The following LHFPL6 variants were observed in gnomAD, a reference collection of about 807,000 sequenced individuals.
LHFPL6 encodes the protein LHFPL tetraspan subfamily member 6.
A neutral mutation model predicts 20.6 loss-of-function variants in LHFPL6; 9 were observed. That is an observed-to-expected ratio of 0.44 (90% CI 0.26 to 0.76). LHFPL6 has a LOEUF of 0.76. Ranked by LOEUF, LHFPL6 falls within the 30% of genes least tolerant of loss-of-function variation. The probability of loss-of-function intolerance (pLI) is 0.20; values close to 1 mark genes in which losing one functional copy is unlikely to be tolerated. For synonymous variants in LHFPL6, 105 were observed against 98.7 expected (o/e 1.06, Z -0.38); for missense variants, 218 against 253.5 (o/e 0.86, Z 0.95).
chr13:39,358,881 T>C (rs1451873500), intron 3 of LHFPL6, among the ~76,000 whole-genome samples: 2 of 151,912 alleles, frequency 1.3e-5, no homozygotes, highest in East Asian at 3.9e-4. Flanking sequence ...TGTTAAAAAG[T>C]GAAAAAATAG....
At chr13:39,461,350 C>A (rs376072733) in intron 2 of LHFPL6, among the ~76,000 whole-genome samples, 1 of 152,146 alleles carries the variant, frequency 6.6e-6, no homozygotes, top group Non-Finnish European at 1.5e-5. Context: ...TGGGTATATA[C>A]GCAGTAATGG....
intron 3 of LHFPL6, among the ~76,000 whole-genome samples, chr13:39,361,951 C>A (rs1376838220): frequency 6.6e-6 from 1 of 152,024 alleles, no homozygotes; most frequent in Non-Finnish European, 1.5e-5. Context: ...ATTGATAAAC[C>A]CAGTGTGATG....
intron 2 of LHFPL6, among the ~76,000 whole-genome samples, chr13:39,474,424 G>A (rs1873028707): frequency 6.6e-6 from 1 of 152,002 alleles, no homozygotes; most frequent in Non-Finnish European, 1.5e-5. Flanking sequence ...TGACAAATTG[G>A]TAACAAGTTA....
chr13:39,585,842 T>C (rs989411186), intron 2 of LHFPL6, among the ~76,000 whole-genome samples: 4 of 152,186 alleles, frequency 2.6e-5, no homozygotes, highest in East Asian at 1.9e-4. Flanking sequence ...TTTCTTTTCA[T>C]AGTATTATGT....
chr13:39,403,235 G>T (rs1871035898), intron 2 of LHFPL6, among the ~76,000 whole-genome samples: 1 of 152,180 alleles, frequency 6.6e-6, no homozygotes, highest in South Asian at 2.1e-4. Context: ...CAATTTGCCT[G>T]TTTATAAAAG....
intron 2 of LHFPL6, among the ~76,000 whole-genome samples, chr13:39,397,251 T>G (rs894480329): frequency 1.3e-5 from 2 of 152,076 alleles, no homozygotes; most frequent in East Asian, 1.9e-4. Context: ...AGAAGAGACA[T>G]AGATAGAGGC....
At chr13:39,401,183 T>G (rs1207780375) in intron 2 of LHFPL6, among the ~76,000 whole-genome samples, 1 of 152,192 alleles carries the variant, frequency 6.6e-6, no homozygotes, top group Non-Finnish European at 1.5e-5. Context: ...CACGTGGCTT[T>G]GGGTGGTGAT....
chr13:39,490,610 T>A (rs1868894871), intron 2 of LHFPL6, among the ~76,000 whole-genome samples: 1 of 152,236 alleles, frequency 6.6e-6, no homozygotes. Flanking sequence ...TGTGGCCATG[T>A]AATCAGCTGT....
chr13:39,535,443 T>C (rs1870588170), intron 2 of LHFPL6, among the ~76,000 whole-genome samples: 1 of 152,222 alleles, frequency 6.6e-6, no homozygotes, highest in African/African-American at 2.4e-5. Flanking sequence ...ATTACATTAT[T>C]AAGTACAACA....
chr13:39,524,240 A>G (rs1396129583), intron 2 of LHFPL6, among the ~76,000 whole-genome samples: 1 of 152,094 alleles, frequency 6.6e-6, no homozygotes, highest in Non-Finnish European at 1.5e-5. Context: ...CTCATTTCCT[A>G]TAGACTGGAT....
At chr13:39,498,334 A>G (rs1188032688) in intron 2 of LHFPL6, among the ~76,000 whole-genome samples, 6 of 152,210 alleles carry the variant, frequency 3.9e-5, no homozygotes, top group Non-Finnish European at 7.3e-5. Context: ...GCATTTACCA[A>G]GCACCTACTC....
chr13:39,551,880 CA>C (rs11288198), intron 2 of LHFPL6, among the ~76,000 whole-genome samples: 52,376 of 152,018 alleles, frequency 0.34, 10,093 homozygotes, highest in Non-Finnish European at 0.43. Context: ...AAAACAGGGA[CA>C]AAAGTAATAT....
At chr13:39,556,859 G>C (rs1457973437) in intron 2 of LHFPL6, among the ~76,000 whole-genome samples, 1 of 149,064 alleles carries the variant, frequency 6.7e-6, no homozygotes, top group Non-Finnish European at 1.5e-5. Context: ...CTACTCAAGA[G>C]GCTGAGGCTG....
At chr13:39,353,601 G>A (rs905804502) in intron 3 of LHFPL6, among the ~76,000 whole-genome samples, 6 of 151,918 alleles carry the variant, frequency 3.9e-5, no homozygotes, top group African/African-American at 1.5e-4. Flanking sequence ...GGTGTCATGC[G>A]CCTGTAGTCC....
chr13:39,407,497 T>C (rs1157710191), intron 2 of LHFPL6, among the ~76,000 whole-genome samples: 1 of 152,214 alleles, frequency 6.6e-6, no homozygotes, highest in Non-Finnish European at 1.5e-5. Context: ...AAATGGGACA[T>C]GGGCCAAACA....
intron 2 of LHFPL6, among the ~76,000 whole-genome samples, chr13:39,426,231 T>G (rs1871633535): frequency 6.6e-6 from 1 of 151,614 alleles, no homozygotes; most frequent in Non-Finnish European, 1.5e-5. Flanking sequence ...TTTCTTTTTT[T>G]TTTTTTGAGA....
intron 2 of LHFPL6, among the ~76,000 whole-genome samples, chr13:39,466,315 G>T (rs1192976349): frequency 6.6e-6 from 1 of 152,210 alleles, no homozygotes; most frequent in Non-Finnish European, 1.5e-5. Context: ...AAGAGGGGAA[G>T]AGGAATATCT....
At chr13:39,366,357 TA>T (rs1288269109) in intron 3 of LHFPL6, among the ~76,000 whole-genome samples, 1 of 152,166 alleles carries the variant, frequency 6.6e-6, no homozygotes, top group African/African-American at 2.4e-5. Context: ...ATTCTACCAA[TA>T]AAAGTCCATT....
chr13:39,563,288 T>A (rs1871604973), intron 2 of LHFPL6, among the ~76,000 whole-genome samples: 1 of 152,100 alleles, frequency 6.6e-6, no homozygotes. Context: ...ATAGATCATA[T>A]AAAAGCAGAA....
Sources: allele counts gnomAD v4.1 joint callset (sites outside exome capture counted in the v4.1 genomes callset), GRCh38; gene constraint gnomAD v4.1.1; transcripts MANE v1.5; gene names NCBI Gene and HGNC (gene_info 2026-07-23, HGNC 2026-07-21).